XPO6: variants seen among roughly 807,000 people sequenced by gnomAD.
XPO6 encodes the protein exportin 6, also known as exportin-6.
Under a neutral mutation model 130.0 loss-of-function variants are expected in XPO6, and 3 were observed. The observed-to-expected ratio is 0.02, with a 90% CI of 0.01 to 0.06. The LOEUF (loss-of-function observed/expected upper bound fraction) is 0.06. Among genes scored for constraint, XPO6 ranks in the 10% least tolerant of loss-of-function variants. The pLI is 1.00. For synonymous variants in XPO6, 524 were observed against 548.9 expected, an observed-to-expected ratio of 0.95 and a Z score of 0.63; for missense variants, 970 against 1,393.0, an observed-to-expected ratio of 0.70 and a Z score of 4.83.
At chr16:28,192,774 A>C (rs28435813) in intron 1 of XPO6, among the ~76,000 whole-genome samples, 4 of 151,960 alleles carry the variant, frequency 2.6e-5, no homozygotes, top group Non-Finnish European at 4.4e-5. Flanking sequence ...TGCAGTCAAA[A>C]CCCCCCTGAA....
intron 17 of XPO6, 76 bp downstream of exon 17, chr16:28,111,741 G>A: frequency 6.5e-7 from 1 of 1,544,106 alleles, no homozygotes; most frequent in Non-Finnish European, 8.8e-7. Context: ...GAGCCTCCGG[G>A]GCAAATCTCA....
At chr16:28,206,739 C>T (rs2044036542) in intron 1 of XPO6, among the ~76,000 whole-genome samples, 1 of 152,122 alleles carries the variant, frequency 6.6e-6, no homozygotes, top group Non-Finnish European at 1.5e-5. Flanking sequence ...TTTCTCCAGA[C>T]TTTCTCTAAT....
At chr16:28,170,608 T>C (rs556239560) in intron 4 of XPO6, among the ~76,000 whole-genome samples, 1 of 152,306 alleles carries the variant, frequency 6.6e-6, no homozygotes, top group East Asian at 1.9e-4. Flanking sequence ...GTAAATCAAT[T>C]TGTGATGTCT....
chr16:28,202,094 A>G (rs1212767204), intron 1 of XPO6, among the ~76,000 whole-genome samples: 2 of 152,246 alleles, frequency 1.3e-5, no homozygotes, highest in African/African-American at 4.8e-5. Context: ...GCAAAGGCAG[A>G]CAAGTATTAA....
In XPO6 at chr16:28,106,046, G is replaced by A. The variant is rs781418113; in HGVS notation, c.2781C>T (p.Ala927=). The A allele has an allele frequency of 1.2e-5, 20 of 1,613,294 alleles. No homozygotes were observed. The highest frequency in any genetic ancestry group is 3.3e-5 in the South Asian group (3 of 91,090). ...LCMEQVYPII[A]ERPSPDVKAE... Reference sequence around the variant, plus strand: ...AGGGGACCGTCTGAGCCCCTACCTCGGCAATGATGGGATACACTTGCTCCA... The same window carrying A: ...AGGGGACCGTCTGAGCCCCTACCTCAGCAATGATGGGATACACTTGCTCCA... The change falls in exon 20 of 24, where the codon GCC becomes GCT. Residue 927 remains alanine, a synonymous_variant. Transcript: ENST00000304658. This position sits in a 1 kb window ranked among gnomAD's most constrained non-coding sequence, Gnocchi z 4.2.
At chr16:28,184,609 A>AG (rs2043666048) in intron 1 of XPO6, among the ~76,000 whole-genome samples, 2 of 152,142 alleles carry the variant, frequency 1.3e-5, no homozygotes. Context: ...TAAAAAAAAA[A>AG]AAAAAGACAA....
At chr16:28,118,934 C>G (rs28889145) in intron 14 of XPO6, among the ~76,000 whole-genome samples, 151,717 of 152,328 alleles carry the variant, frequency 1, 75,563 homozygotes, top group Middle Eastern at 1. Flanking sequence ...CTGGGGAAAA[C>G]GGATAGGATT....
chr16:28,132,493 T>C lies in XPO6; in HGVS notation c.1537-90A>G. The C allele has an allele frequency of 2.3e-6, 2 of 857,174 alleles. No individual in the cohort carries two copies. The highest frequency in any genetic ancestry group is 3.5e-4 in the Middle Eastern group (1 of 2,894). 53.1% of individuals were successfully genotyped at this position (857,174 alleles called of 1,614,324 possible). A position where few individuals can be genotyped will look rare whatever the true frequency, so the allele number is the denominator to read the frequency against. ...TAACATTACAACATTAACACGTAAC[T>C]ATGGTGTGAGGAACAGGATCAAAAC... On this transcript the variant is annotated intron_variant, in intron 11 of 23. Transcript: ENST00000304658. The surrounding 1 kb of genome is among the most constrained non-coding windows in gnomAD (Gnocchi z 4.0).
At chr16:28,148,279 C>G (rs1017245440) in intron 8 of XPO6, among the ~76,000 whole-genome samples, 24 of 152,312 alleles carry the variant, frequency 1.6e-4, no homozygotes, top group African/African-American at 5.5e-4. Context: ...CAGACACACC[C>G]TGTATAACCT....
intron 7 of XPO6, among the ~76,000 whole-genome samples, chr16:28,155,371 T>C (rs567407881): frequency 9.2e-5 from 14 of 152,050 alleles, no homozygotes; most frequent in African/African-American, 3.4e-4. Context: ...AGTTGTAAGA[T>C]ACATAAATGA....
chr16:28,195,290 A>T (rs2043841189), intron 1 of XPO6, among the ~76,000 whole-genome samples: 1 of 152,200 alleles, frequency 6.6e-6, no homozygotes, highest in African/African-American at 2.4e-5. Flanking sequence ...AAAACAAAAG[A>T]ATGGGGACAA....
intron 4 of XPO6, among the ~76,000 whole-genome samples, chr16:28,174,448 C>A (rs943851970): frequency 7.9e-5 from 12 of 152,162 alleles, no homozygotes; most frequent in African/African-American, 2.9e-4. Context: ...ATGCCCTCAT[C>A]CCCGCCCTGA....
intron 13 of XPO6, among the ~76,000 whole-genome samples, 197 bp downstream of exon 13, chr16:28,125,492 T>A (rs1288768899): frequency 6.6e-6 from 1 of 152,226 alleles, no homozygotes; most frequent in East Asian, 1.9e-4. Flanking sequence ...GGAAACAACA[T>A]CTACTTCATA....
Position 28,132,654 on chromosome 16 carries a change from T to TAAA in XPO6, c.1537-254_1537-252dup, listed in dbSNP as rs11291125. 9.6e-3 allele frequency among the ~76,000 whole-genome samples: 1,324 copies of TAAA among 138,350 alleles called. 30 individuals are homozygous for TAAA. The highest frequency in any genetic ancestry group is 0.034 in the African/African-American group (1,262 of 37,068). 90.8% of individuals were successfully genotyped at this position (138,350 alleles called of 152,430 possible). ...AAACGTATTAGTTCAACCCTTTTTT[T>TAAA]AAAAAAAAAAAAAAAGCAAAGGACA... On this transcript the variant is annotated intron_variant, in intron 11 of 23. Transcript: ENST00000304658. This position sits in a 1 kb window ranked among gnomAD's most constrained non-coding sequence, Gnocchi z 4.0.
chr16:28,125,323 C>A (rs1013848486), intron 13 of XPO6, among the ~76,000 whole-genome samples: 1 of 152,230 alleles, frequency 6.6e-6, no homozygotes, highest in Admixed American at 6.5e-5. Context: ...GACATGAAGA[C>A]TGACCTCTCC....
intron 1 of XPO6, among the ~76,000 whole-genome samples, chr16:28,185,365 A>T (rs946654008): frequency 6.6e-6 from 1 of 151,844 alleles, no homozygotes; most frequent in Non-Finnish European, 1.5e-5. Flanking sequence ...GCCTCTTAAA[A>T]AATAATAATA....
At chr16:28,122,991 A>G (rs2141267810) in intron 13 of XPO6, among the ~76,000 whole-genome samples, 1 of 152,218 alleles carries the variant, frequency 6.6e-6, no homozygotes, top group South Asian at 2.1e-4. Flanking sequence ...TGTTGAGCCC[A>G]CTGGTTGCTC....
intron 14 of XPO6, among the ~76,000 whole-genome samples, chr16:28,119,708 A>G (rs935072547): frequency 1.3e-5 from 2 of 152,204 alleles, no homozygotes; most frequent in African/African-American, 2.4e-5. Flanking sequence ...AAATTTTAAT[A>G]TGGACTATAT....
rs550108572 is a variant in XPO6 at position 28,121,674 on chromosome 16, C to T, written c.1855G>A (p.Asp619Asn). Residue 619 changes from aspartate to asparagine, a missense_variant, in exon 14 of 24, where the codon GAT (aspartate) becomes AAT (asparagine). Around this residue, in one of 4 missense-constraint regions of XPO6, gnomAD observed 936 missense variants for 1,306.8 expected, o/e 0.72. Transcript: ENST00000304658. ...AACATCAAACTCTAGACTTACACAT[C>T]AATGAGGTCAGGTTTCAATACTGAT... ...VPSVLKPDLI[D>N]VHAQSLAALQ... is the part of the protein sequence containing the mutation. 1 of 1,607,330 alleles carries T rather than the reference C, an allele frequency of 6.2e-7. No homozygotes were observed. The highest frequency in any genetic ancestry group is 1.3e-5 in the African/African-American group (1 of 74,900).
Sources: gnomAD v4.1 joint callset for allele counts (sites outside exome capture counted in the v4.1 genomes callset) on GRCh38, gnomAD v4.1.1 for gene constraint, gnomAD v4.1.1 regional missense constraint, Gnocchi (gnomAD v3.1) non-coding constraint, MANE v1.5 for transcripts, NCBI Gene and HGNC (gene_info 2026-07-23, HGNC 2026-07-21) for gene names.